Variants in MAGEA11 observed in about 807,000 individuals in gnomAD.
MAGEA11 encodes MAGE family member A11.
MAGEA11 carries 1 observed loss-of-function variant against 8.4 expected under a neutral mutation model. That is an observed-to-expected ratio of 0.12 (90% CI 0.04 to 0.57). The LOEUF (loss-of-function observed/expected upper bound fraction) is 0.57, where lower values mean the gene tolerates loss of function less well. Ranked by LOEUF, MAGEA11 falls within the 20% of genes least tolerant of loss-of-function variation. The probability of loss-of-function intolerance (pLI) is 0.91; values close to 1 mark genes in which losing one functional copy is unlikely to be tolerated. For synonymous variants in MAGEA11, 127 were observed against 119.3 expected (o/e 1.06, Z -0.42); for missense variants, 209 against 317.3 (o/e 0.66, Z 2.59).
rs782649959 is a variant in MAGEA11, at chrX:149,713,203, C to G, written c.44C>G (p.Ala15Gly). Reference sequence around the variant, plus strand: ...AGAGGGGGTCTGGGGTGCAGCCCTGCCAGCATCAAGAGGAAGAAGAAGAGG... The same window carrying G: ...AGAGGGGGTCTGGGGTGCAGCCCTGGCAGCATCAAGAGGAAGAAGAAGAGG... ...FRRGGLGCSP[A>G]SIKRKKKRED... The change falls in exon 2 of 5, where the codon GCC (alanine) becomes GGC (glycine). Residue 15 changes from alanine (A) to glycine (G), a missense_variant. Ala to Gly is a moderately conservative substitution (Grantham distance 60). Coordinates refer to ENST00000355220, the MANE Select transcript of MAGEA11 (RefSeq NM_005366.5). 1.5e-5 allele frequency: 18 copies of G among 1,204,837 alleles called. No homozygotes were observed. Among genetic ancestry groups the G allele is most frequent in the Non-Finnish European group, 2.0e-5 (18 of 892,653 alleles).
chrX:149,705,430 C>T (rs2090373249), intron 1 of MAGEA11, among the ~76,000 whole-genome samples: 1 of 112,264 alleles, frequency 8.9e-6, no homozygotes, highest in Non-Finnish European at 1.9e-5. Flanking sequence ...TTGCCTTCCG[C>T]CATCATTGTG....
chrX:149,700,948 C>T (rs782481558), intron 1 of MAGEA11, among the ~76,000 whole-genome samples: 1 of 107,034 alleles, frequency 9.3e-6, no homozygotes, highest in African/African-American at 3.4e-5. Context: ...GCCACATTTT[C>T]TTAATCCAGT....
chrX:149,692,589 G>A (rs1264721095), intron 1 of MAGEA11, among the ~76,000 whole-genome samples: 2 of 111,853 alleles, frequency 1.8e-5, no homozygotes, highest in Non-Finnish European at 3.8e-5. Flanking sequence ...TGCTAGAGCT[G>A]CTTCAGTCTT....
chrX:149,699,716 G>GTT (rs2090343912), intron 1 of MAGEA11, among the ~76,000 whole-genome samples: 1 of 111,335 alleles, frequency 9.0e-6, no homozygotes, highest in South Asian at 3.8e-4. Context: ...TTTTGGAGTA[G>GTT]TTTTTTTATT....
intron 1 of MAGEA11, among the ~76,000 whole-genome samples, chrX:149,689,569 C>T (rs1037536697): frequency 2.7e-5 from 3 of 112,525 alleles, no homozygotes; most frequent in South Asian, 3.7e-4. Flanking sequence ...TTTCTCCCTC[C>T]TTTAGGCAGT....
Position 149,691,593 on chromosome X carries a change from G to A in MAGEA11, c.9+2609G>A, listed in dbSNP as rs781997583. Among the ~76,000 whole-genome samples, 349 of 111,733 alleles carry A rather than the reference G, an allele frequency of 3.1e-3. 1 individual carries two copies. The highest frequency in any genetic ancestry group is 9.1e-3 in the African/African-American group (279 of 30,759). On this transcript the variant is annotated intron_variant, in intron 1 of 3. Transcript: ENST00000333104. Reference sequence around the variant, plus strand: ...ATAGCTTATAATGCCTCATAACCTGGACAAAACGCTCTTAAGGTTTTTAGC... The same window carrying A: ...ATAGCTTATAATGCCTCATAACCTGAACAAAACGCTCTTAAGGTTTTTAGC...
At chrX:149,714,429 A>C in intron 2 of MAGEA11, 52 bp from the exon 3 acceptor site, 6 of 1,187,278 alleles carry the variant, frequency 5.1e-6, no homozygotes, top group Non-Finnish European at 6.8e-6. Flanking sequence ...CAACCACATG[A>C]TGGGGTGATG....
At chrX:149,715,710 CAT>C in intron 4 of MAGEA11, 33 bp downstream of exon 4, 2 of 1,195,478 alleles carry the variant, frequency 1.7e-6, no homozygotes, top group Non-Finnish European at 2.3e-6. Flanking sequence ...CTCCATGGTT[CAT>C]ATCTCATCTG....
chrX:149,693,162 G>A (rs2124277766), intron 1 of MAGEA11, among the ~76,000 whole-genome samples: 1 of 112,393 alleles, frequency 8.9e-6, no homozygotes, highest in East Asian at 2.8e-4. Context: ...ATGAAAATGA[G>A]TTACTAGTTA....
intron 1 of MAGEA11, among the ~76,000 whole-genome samples, chrX:149,705,119 C>G (rs782388984): frequency 2.7e-5 from 3 of 112,680 alleles, no homozygotes; most frequent in Admixed American, 9.3e-5. Flanking sequence ...ACCCAGGACT[C>G]CTTATTTGCT....
At chrX:149,710,959 G>A (rs1299818782), upstream of MAGEA11, among the ~76,000 whole-genome samples, 1 of 111,646 alleles carries the variant, frequency 9.0e-6, no homozygotes, top group Non-Finnish European at 1.9e-5. Flanking sequence ...AAGAGTGGCA[G>A]GGAAGTTGGG....
intron 1 of MAGEA11, among the ~76,000 whole-genome samples, chrX:149,694,712 T>C (rs2124279538): frequency 9.0e-6 from 1 of 111,632 alleles, no homozygotes; most frequent in Non-Finnish European, 1.9e-5. Context: ...TCTTTCTTTC[T>C]TTTCTTTTCT....
chrX:149,701,152 C>G (rs12399151), intron 1 of MAGEA11, among the ~76,000 whole-genome samples: 42,933 of 110,022 alleles, frequency 0.39, 6,667 homozygotes, highest in Non-Finnish European at 0.47. Flanking sequence ...CTGACTTCCA[C>G]AAGGGTTGAA....
chrX:149,713,198 C>T lies in MAGEA11; in HGVS notation c.39C>T (p.Ser13=). The part of the protein sequence containing the change: ...TQFRRGGLGC[S]PASIKRKKKR... Reference sequence around the variant, plus strand: ...TCCGCAGAGGGGGTCTGGGGTGCAGCCCTGCCAGCATCAAGAGGAAGAAGA... The same window carrying T: ...TCCGCAGAGGGGGTCTGGGGTGCAGTCCTGCCAGCATCAAGAGGAAGAAGA... The change falls in exon 2 of 5, where the codon AGC becomes AGT. Residue 13 remains serine (S), a synonymous_variant. Transcript: ENST00000355220. 1 of 1,206,964 alleles carries T rather than the reference C, an allele frequency of 8.3e-7. No individual in the cohort carries two copies. Among genetic ancestry groups the T allele is most frequent in the Non-Finnish European group, 1.1e-6 (1 of 893,149 alleles).
chrX:149,707,694 C>G (rs782478213), upstream of MAGEA11, among the ~76,000 whole-genome samples: 5 of 112,266 alleles, frequency 4.5e-5, no homozygotes, highest in African/African-American at 1.6e-4. Flanking sequence ...AAAAAGTTCT[C>G]TCTTGTTCTA....
intron 1 of MAGEA11, among the ~76,000 whole-genome samples, chrX:149,697,053 A>T (rs1184359905): frequency 9.0e-6 from 1 of 111,209 alleles, no homozygotes; most frequent in Non-Finnish European, 1.9e-5. Context: ...AAGACTGCAG[A>T]TAGAACAGAG....
chrX:149,715,662 C>T lies in MAGEA11; in HGVS notation c.251C>T (p.Thr84Ile), dbSNP rs1368181308. 8.3e-7 allele frequency: 1 copy of T among 1,207,804 alleles called. No homozygotes were observed. The highest frequency in any genetic ancestry group is 1.1e-6 in the Non-Finnish European group (1 of 892,059). ...AGTCCCAGGAGAACCCAGAGGATCACTGGAGGAGAACAAGTGTAAGTAGGC... is the reference window on the plus strand; with the variant it reads ...AGTCCCAGGAGAACCCAGAGGATCATTGGAGGAGAACAAGTGTAAGTAGGC... Reference protein sequence around the residue: ...DRSPRRTQRITGGEQVLWGPI... With the variant: ...DRSPRRTQRIIGGEQVLWGPI... Residue 84 changes from threonine (T) to isoleucine (I), a missense_variant, in exon 4 of 5, where the codon ACT becomes ATT. Thr to Ile is a moderately conservative substitution (Grantham distance 89). Transcript: ENST00000355220.
chrX:149,708,468 A>T (rs1256305057), upstream of MAGEA11, among the ~76,000 whole-genome samples: 1 of 112,355 alleles, frequency 8.9e-6, no homozygotes, highest in Non-Finnish European at 1.9e-5. Context: ...TAAAGACACA[A>T]ATTCTATGAA....
intron 1 of MAGEA11, among the ~76,000 whole-genome samples, chrX:149,698,878 G>A (rs2090340601): frequency 9.0e-6 from 1 of 111,371 alleles, no homozygotes; most frequent in Non-Finnish European, 1.9e-5. Context: ...TCCTGTTCCT[G>A]CATTAGTTTG....
Sources: gnomAD v4.1 joint callset for allele counts (sites outside exome capture counted in the v4.1 genomes callset) on GRCh38, gnomAD v4.1.1 for gene constraint, MANE v1.5 for transcripts, NCBI Gene and HGNC (gene_info 2026-07-23, HGNC 2026-07-21) for gene names.